Variants in GRIK5 observed in about 807,000 individuals in gnomAD.
GRIK5 encodes glutamate receptor ionotropic, kainate 5.
GRIK5 carries 43 observed loss-of-function variants against 97.4 expected under a neutral mutation model. The ratio of observed to expected loss-of-function variants is 0.44; its 90% CI spans 0.35 to 0.57. GRIK5 has a LOEUF of 0.57. Ranked by LOEUF, GRIK5 falls within the 20% of genes least tolerant of loss-of-function variation. The pLI is 0.01. For missense variants in GRIK5, 1,015 were observed against 1,382.0 expected, an observed-to-expected ratio of 0.73 and a Z score of 4.21; for synonymous variants, 580 against 583.5, an observed-to-expected ratio of 0.99 and a Z score of 0.09.
chr19:42,065,213 C>G lies in GRIK5; in HGVS notation c.244+10G>C. On this transcript the variant is annotated intron_variant, in intron 3 of 19. Coordinates refer to ENST00000593562, the MANE Select transcript of GRIK5 (RefSeq NM_002088.5). The surrounding 1 kb of genome is among the most constrained non-coding windows in gnomAD (Gnocchi z 5.8). ...CCTGCCTCACCCCACGCCCCCATGG[C>G]CCCGCTCACTGGTGTCCGTGGTCTC... is the stretch of plus-strand genomic sequence containing the variant. 1.2e-6 allele frequency: 2 copies of G among 1,603,376 alleles called. No homozygotes were observed. Among genetic ancestry groups the G allele is most frequent in the East Asian group, 4.5e-5 (2 of 44,674 alleles).
At position 41,999,071 on chromosome 19, in the gene GRIK5, G is replaced by GC; in HGVS notation, c.2742dup (p.Pro915AlafsTer219). On this transcript the variant is annotated frameshift_variant, in exon 20 of 20. Coordinates refer to ENST00000593562, the MANE Select transcript of GRIK5 (RefSeq NM_002088.5). LOFTEE classifies it low-confidence loss of function (END_TRUNC). This position sits in a 1 kb window ranked among gnomAD's most constrained non-coding sequence, Gnocchi z 5.0. Reference sequence around the variant, plus strand: ...GCGGCGGGTCGGGCTCCGCTGGGGGGCCCCGGGTCGTCCAGGAGGCGCTGC... The same window carrying GC: ...GCGGCGGGTCGGGCTCCGCTGGGGGGCCCCCGGGTCGTCCAGGAGGCGCTGC... 1 of 1,294,690 alleles carries GC rather than the reference G, an allele frequency of 7.7e-7. No homozygotes were observed. Among genetic ancestry groups the GC allele is most frequent in the Non-Finnish European group, 9.7e-7 (1 of 1,026,672 alleles). 80.2% of individuals were successfully genotyped at this position (1,294,690 alleles called of 1,614,324 possible). A position where few individuals can be genotyped will look rare whatever the true frequency, so the allele number is the denominator to read the frequency against.
At chr19:42,015,829 T>A (rs1048960224) in intron 15 of GRIK5, among the ~76,000 whole-genome samples, 14 of 151,950 alleles carry the variant, frequency 9.2e-5, no homozygotes, top group Admixed American at 7.2e-4. Flanking sequence ...ACCATATAGA[T>A]CTGAGGGGCC....
chr19:42,038,180 G>A (rs968145787), intron 12 of GRIK5, among the ~76,000 whole-genome samples: 9 of 152,220 alleles, frequency 5.9e-5, no homozygotes, highest in African/African-American at 2.2e-4. Context: ...TAGAAGCCAG[G>A]AGGCCAGTAA....
chr19:41,999,163 C>T lies in GRIK5; in HGVS notation c.2651G>A (p.Arg884His), dbSNP rs1555870284. 2.0e-6 allele frequency: 3 copies of T among 1,503,976 alleles called. No homozygotes were observed. The highest frequency in any genetic ancestry group is 2.6e-6 in the Non-Finnish European group (3 of 1,134,912). 93.2% of individuals were successfully genotyped at this position (1,503,976 alleles called of 1,614,324 possible). A position where few individuals can be genotyped will look rare whatever the true frequency, so the allele number is the denominator to read the frequency against. Reference sequence around the variant, plus strand: ...CGAGTAGAGCTTGCCGTTGCTGAGGCGCATCTCGCGGACCGCGCGCAGTGA... The same window carrying T: ...CGAGTAGAGCTTGCCGTTGCTGAGGTGCATCTCGCGGACCGCGCGCAGTGA... The part of the protein sequence containing the change: ...LLSLRAVREM[R>H]LSNGKLYSAG... The change falls in exon 20 of 20, where the codon CGC becomes CAC. Residue 884 changes from arginine to histidine, a missense_variant. By Grantham distance (29) the Arg-to-His change is conservative (BLOSUM62 0). Around this residue, in one of 5 missense-constraint regions of GRIK5, gnomAD observed 229 missense variants for 341.0 expected, o/e 0.67. Transcript: ENST00000593562. The surrounding 1 kb of genome is among the most constrained non-coding windows in gnomAD (Gnocchi z 5.0).
Position 42,070,169 on chromosome 19 carries a change from T to TGCCC in GRIK5, c.-983_-980dup, listed in dbSNP as rs1402425979. On this transcript the variant is annotated 5_prime_UTR_variant, in exon 1 of 20. Coordinates refer to ENST00000593562, the MANE Select transcript of GRIK5 (RefSeq NM_002088.5). ...CTCCCCTCCGAGGCCGCCGCCTGCC[T>TGCCC]GCCCGCCTGCCGCCTGCGCTGGGTC... Among the ~76,000 whole-genome samples the TGCCC allele has an allele frequency of 6.6e-6, 1 of 151,730 alleles. No homozygotes were observed. The highest frequency in any genetic ancestry group is 2.4e-5 in the African/African-American group (1 of 41,314).
intron 12 of GRIK5, among the ~76,000 whole-genome samples, chr19:42,038,848 G>A (rs1372976935): frequency 3.9e-5 from 6 of 152,146 alleles, no homozygotes; most frequent in African/African-American, 1.2e-4. Context: ...TGTGCAGCTC[G>A]GCACACTCGG....
rs755864005 is a variant in GRIK5, at chr19:42,042,045, A to G, written c.1473+507T>C. ...CCATGCCCAGCAAGAGGCAAGGCACATAGTAGGTACTCAATAAACAGCCAC... is the reference window on the plus strand; with the variant it reads ...CCATGCCCAGCAAGAGGCAAGGCACGTAGTAGGTACTCAATAAACAGCCAC... On this transcript the variant is annotated intron_variant, in intron 12 of 19. Coordinates refer to ENST00000593562, the MANE Select transcript of GRIK5 (RefSeq NM_002088.5). This position sits in a 1 kb window ranked among gnomAD's most constrained non-coding sequence, Gnocchi z 6.9. 1.3e-5 allele frequency among the ~76,000 whole-genome samples: 2 copies of G among 152,168 alleles called. No homozygotes were observed. The highest frequency in any genetic ancestry group is 2.4e-5 in the African/African-American group (1 of 41,434).
intron 15 of GRIK5, among the ~76,000 whole-genome samples, chr19:42,017,281 C>T (rs1225992849): frequency 6.6e-6 from 1 of 152,214 alleles, no homozygotes; most frequent in Non-Finnish European, 1.5e-5. Context: ...AAGCAGGCGC[C>T]GACTGTCGCA....
intron 6 of GRIK5, among the ~76,000 whole-genome samples, chr19:42,058,255 A>G (rs1319087845): frequency 6.6e-6 from 1 of 151,952 alleles, no homozygotes; most frequent in Non-Finnish European, 1.5e-5. Context: ...ATCTCAGCTC[A>G]CTGCAAGCTC....
At chr19:42,017,407 T>C (rs1282826408) in intron 15 of GRIK5, among the ~76,000 whole-genome samples, 2 of 152,196 alleles carry the variant, frequency 1.3e-5, no homozygotes, top group Non-Finnish European at 2.9e-5. Flanking sequence ...GTTAAATTGA[T>C]TTTTTACAAA....
chr19:42,015,911 A>C (rs534672518), intron 15 of GRIK5, among the ~76,000 whole-genome samples: 1 of 152,312 alleles, frequency 6.6e-6, no homozygotes, highest in South Asian at 2.1e-4. Flanking sequence ...GTAATAATGA[A>C]AACAGCAATG....
At position 41,999,008 on chromosome 19, in the gene GRIK5, A is replaced by C; in HGVS notation, c.2806T>G (p.Cys936Gly). ...GCCCGCAGCGCCTGGATGCGCCGGC[A>C]CTCCTGGCAGACGCGCACGTGGGTG... ...PCTHVRVCQE[C>G]RRIQALRASG... is the part of the protein sequence containing the mutation. Residue 936 changes from cysteine to glycine, a missense_variant, in exon 20 of 20, where the codon TGC (cysteine) becomes GGC (glycine). Around this residue, in one of 5 missense-constraint regions of GRIK5, gnomAD observed 109 missense variants for 100.4 expected, o/e 1.09. Coordinates refer to ENST00000593562, the MANE Select transcript of GRIK5 (RefSeq NM_002088.5). The surrounding 1 kb of genome is among the most constrained non-coding windows in gnomAD (Gnocchi z 5.0). 8.2e-7 allele frequency: 1 copy of C among 1,212,954 alleles called. No individual in the cohort carries two copies. Among genetic ancestry groups the C allele is most frequent in the Non-Finnish European group, 1.0e-6 (1 of 974,756 alleles). The allele number at this position is 1,212,954 out of a possible 1,614,324, so 75.1% of individuals were successfully genotyped here. A position where few individuals can be genotyped will look rare whatever the true frequency, so the allele number is the denominator to read the frequency against.
In GRIK5 at chr19:42,054,385, G is replaced by T; in HGVS notation, c.991C>A (p.Pro331Thr). ...LNRSQEIGVK[P>T]LACTSANIWP... ...ATGTTGGCCGATGTACAGGCCAGAGGCTTCACACCGATCTCCTGGCTGCGG... is the reference window on the plus strand; with the variant it reads ...ATGTTGGCCGATGTACAGGCCAGAGTCTTCACACCGATCTCCTGGCTGCGG... The change falls in exon 9 of 20, where the codon CCT (proline) becomes ACT (threonine). Residue 331 changes from proline (P) to threonine (T), a missense_variant. By Grantham distance (38) the Pro-to-Thr change is conservative. Coordinates refer to ENST00000593562, the MANE Select transcript of GRIK5 (RefSeq NM_002088.5). 5 of 1,613,714 alleles carry T rather than the reference G, an allele frequency of 3.1e-6. No homozygotes were observed. Among genetic ancestry groups the T allele is most frequent in the Non-Finnish European group, 3.4e-6 (4 of 1,179,998 alleles).
chr19:42,011,236 G>C (rs1282044084), intron 15 of GRIK5, among the ~76,000 whole-genome samples: 1 of 151,984 alleles, frequency 6.6e-6, no homozygotes, highest in Non-Finnish European at 1.5e-5. Flanking sequence ...TATATCTTAC[G>C]TGAAATGGTA....
chr19:42,000,715 G>C (rs2075416839), intron 19 of GRIK5, among the ~76,000 whole-genome samples: 1 of 152,162 alleles, frequency 6.6e-6, no homozygotes, highest in African/African-American at 2.4e-5. Context: ...GAGCTGGTCT[G>C]TGTGACCAAC....
rs782093966 is a variant in GRIK5 at position 42,002,414 on chromosome 19, G to A, written c.2514+918C>T. 36 of 717,542 alleles carry A rather than the reference G, an allele frequency of 5.0e-5. No individual in the cohort carries two copies. Among genetic ancestry groups the A allele is most frequent in the Non-Finnish European group, 7.3e-5 (28 of 385,112 alleles). 44.4% of individuals were successfully genotyped at this position (717,542 alleles called of 1,614,324 possible). The stretch of plus-strand genomic sequence containing the variant: ...TGCAGGAGGAAAGGACAGACTTGCC[G>A]GAGGGATGTCCTTGAGAAGGCAACC... On this transcript the variant is annotated intron_variant, in intron 19 of 19. Transcript: ENST00000593562. This position sits in a 1 kb window ranked among gnomAD's most constrained non-coding sequence, Gnocchi z 5.2.
At chr19:42,004,094 C>T (rs2075458327) in intron 17 of GRIK5, among the ~76,000 whole-genome samples, 1 of 152,220 alleles carries the variant, frequency 6.6e-6, no homozygotes, top group African/African-American at 2.4e-5. Context: ...TCTCTGCCCA[C>T]ATGCTGGCTC....
Position 41,998,880 on chromosome 19 carries a change from C to T in GRIK5, c.2934G>A (p.Glu978=), listed in dbSNP as rs1396223646. 5.0e-5 allele frequency: 56 copies of T among 1,118,886 alleles called. No individual in the cohort carries two copies. Among genetic ancestry groups the T allele is most frequent in the Non-Finnish European group, 6.0e-5 (55 of 915,764 alleles). 69.3% of individuals were successfully genotyped at this position (1,118,886 alleles called of 1,614,324 possible). ...PGPAGPRELA[E]HE ...ACAGCCCCGCCCGTGGTCACTCGTG[C>T]TCCGCCAGCTCCCGGGGGCCGGCGG... The change falls in exon 20 of 20, where the codon GAG becomes GAA. Residue 978 remains glutamate, a synonymous_variant. Transcript: ENST00000593562.
intron 12 of GRIK5, among the ~76,000 whole-genome samples, chr19:42,041,555 T>C (rs563776235): frequency 6.6e-6 from 1 of 152,192 alleles, no homozygotes; most frequent in South Asian, 2.1e-4. Flanking sequence ...AGGAGAGAAA[T>C]GACACTTAAG....
Sources: gnomAD v4.1 joint callset for allele counts (sites outside exome capture counted in the v4.1 genomes callset) on GRCh38, gnomAD v4.1.1 for gene constraint, gnomAD v4.1.1 regional missense constraint, Gnocchi (gnomAD v3.1) non-coding constraint, MANE v1.5 for transcripts, NCBI Gene and HGNC (gene_info 2026-07-23, HGNC 2026-07-21) for gene names.